The following TAB1 variants were observed in gnomAD, a reference collection of about 807,000 sequenced individuals.
The protein encoded by TAB1 is TGF-beta-activated kinase 1 and MAP3K7-binding protein 1.
Under a neutral mutation model 54.5 loss-of-function variants are expected in TAB1, and 30 were observed. The ratio of observed to expected loss-of-function variants is 0.55; its 90% confidence interval spans 0.41 to 0.75. TAB1 has a LOEUF of 0.75. TAB1 is among the 30% of genes least tolerant of loss of function. The pLI is 0.00. For missense variants in TAB1, 609 were observed against 683.2 expected, an observed-to-expected ratio of 0.89 and a Z score of 1.21; for synonymous variants, 289 against 286.9, an observed-to-expected ratio of 1.01 and a Z score of -0.07.
chr22:39,430,024 G>A lies in TAB1; in HGVS notation c.1317G>A (p.Pro439=), dbSNP rs763081696. The change falls in exon 11 of 11, where the codon CCG becomes CCA. Residue 439 remains proline, a synonymous_variant. Coordinates refer to ENST00000216160, the MANE Select transcript of TAB1 (RefSeq NM_006116.3). ...EATPTLTNQS[P]TLTLQSTNTH... ...CCCTGTTGTCCTGCAGCCAAAGCCCGACCTTAACCCTGCAGTCCACCAACA... is the reference window on the plus strand; with the variant it reads ...CCCTGTTGTCCTGCAGCCAAAGCCCAACCTTAACCCTGCAGTCCACCAACA... The A allele has an allele frequency of 3.4e-5, 55 of 1,613,110 alleles. No homozygotes were observed. In the Middle Eastern group the frequency reaches 1.1e-3, roughly 33 times the overall value.
chr22:39,430,575 C>G lies in TAB1; in HGVS notation c.*353C>G, dbSNP rs377081306. 2.0e-5 allele frequency: 23 copies of G among 1,166,748 alleles called. No individual in the cohort carries two copies. Among genetic ancestry groups the G allele is most frequent in the Admixed American group, 3.7e-5 (1 of 26,860 alleles). The allele number at this position is 1,166,748 out of a possible 1,614,324, so 72.3% of individuals were successfully genotyped here. A position where few individuals can be genotyped will look rare whatever the true frequency, so the allele number is the denominator to read the frequency against. ...GAGCAGGAAGAGGCGCCCTGTGAAC[C>G]CTGAGTGTTGCAGGCCCAGCAGACC... is the stretch of plus-strand genomic sequence containing the variant. On this transcript the variant is annotated 3_prime_UTR_variant, in exon 11 of 11. Transcript: ENST00000216160.
At position 39,423,827 on chromosome 22, in the gene TAB1, T is replaced by C. The variant is rs191316747; in HGVS notation, c.921+1856T>C. ...GTAACTAATGTATAGTGTTTTATAG[T>C]GTACATTGTAACTAATGTATAGTGT... On this transcript the variant is annotated intron_variant, in intron 8 of 10. Coordinates refer to ENST00000216160, the MANE Select transcript of TAB1 (RefSeq NM_006116.3). Among the ~76,000 whole-genome samples the C allele has an allele frequency of 2.5e-3, 377 of 150,958 alleles. 4 individuals carry two copies. Among genetic ancestry groups the C allele is most frequent in the East Asian group, 0.019 (94 of 4,870 alleles).
At chr22:39,429,802 T>A in intron 10 of TAB1, 2 of 985,224 alleles carry the variant, frequency 2.0e-6, no homozygotes, top group Non-Finnish European at 2.4e-6. Context: ...TACCTTTAGT[T>A]CATTTAAGTA....
chr22:39,428,091 G>A lies in TAB1; in HGVS notation c.1215G>A (p.Val405=). ...CCCAGAGCACCAGCAAGACCAGCGT[G>A]ACCCTCTCCCTTGTCATGCCCTCCC... The part of the protein sequence containing the change: ...SSAQSTSKTS[V]TLSLVMPSQG... The change falls in exon 10 of 11, where the codon GTG becomes GTA. Residue 405 remains valine (V), a synonymous_variant. Coordinates refer to ENST00000216160, the MANE Select transcript of TAB1 (RefSeq NM_006116.3). 1.2e-6 allele frequency: 2 copies of A among 1,613,888 alleles called. No individual in the cohort carries two copies. The highest frequency in any genetic ancestry group is 1.7e-6 in the Non-Finnish European group (2 of 1,179,788).
At chr22:39,435,593 C>T (rs1056394579), downstream of TAB1, among the ~76,000 whole-genome samples, 3 of 152,186 alleles carry the variant, frequency 2.0e-5, no homozygotes, top group Non-Finnish European at 2.9e-5. Flanking sequence ...AGTTCAGCTC[C>T]GTATCAGAAA....
At position 39,415,895 on chromosome 22, in the gene TAB1, G is replaced by A. The variant is rs1056148745; in HGVS notation, c.324+242G>A. ...ACTGCTGGAGACGGGGGGATTTAGG[G>A]ATGGGAGCTTGGAGAGAGGTGTGAG... On this transcript the variant is annotated intron_variant, in intron 3 of 10. Coordinates refer to ENST00000216160, the MANE Select transcript of TAB1 (RefSeq NM_006116.3). This position sits in a 1 kb window ranked among gnomAD's most constrained non-coding sequence, Gnocchi z 4.9. Among the ~76,000 whole-genome samples, 1 of 152,242 alleles carries A rather than the reference G, an allele frequency of 6.6e-6. No homozygotes were observed. Among genetic ancestry groups the A allele is most frequent in the Non-Finnish European group, 1.5e-5 (1 of 68,050 alleles).
chr22:39,410,726 C>A (rs1926572922), intron 1 of TAB1, among the ~76,000 whole-genome samples: 1 of 152,110 alleles, frequency 6.6e-6, no homozygotes, highest in East Asian at 1.9e-4. Context: ...TGTAGAGACA[C>A]ACCATGTTAA....
chr22:39,430,626 C>CTTTTTTAATGATACGGCGA lies in TAB1; in HGVS notation c.*404_*405insTTTTTTAATGATACGGCGA. On this transcript the variant is annotated 3_prime_UTR_variant, in exon 11 of 11. Transcript: ENST00000216160. ...CTGCTGTCCCAAGCCCACCCCTCCT[C>CTTTTTTAATGATACGGCGA]CCACCATCACCTCCCTCACCTCGGG... 4 of 1,093,496 alleles carry CTTTTTTAATGATACGGCGA rather than the reference C, an allele frequency of 3.7e-6. No homozygotes were observed. Among genetic ancestry groups the CTTTTTTAATGATACGGCGA allele is most frequent in the Admixed American group, 4.3e-5 (1 of 23,482 alleles). The allele number at this position is 1,093,496 out of a possible 1,614,324, so 67.7% of individuals were successfully genotyped here. A position where few individuals can be genotyped will look rare whatever the true frequency, so the allele number is the denominator to read the frequency against.
In TAB1 at chr22:39,399,798, C is replaced by T. The variant is rs1397604858; in HGVS notation, c.-5C>T. 3.8e-6 allele frequency: 6 copies of T among 1,592,536 alleles called. No individual in the cohort carries two copies. The highest frequency in any genetic ancestry group is 5.1e-6 in the Non-Finnish European group (6 of 1,170,096). ...GGCGGGCGCTCCCGCAGGGGTTCCT[C>T]CAAGATGGCGGCGCAGAGGAGGAGC... On this transcript the variant is annotated 5_prime_UTR_variant, in exon 1 of 11. Transcript: ENST00000216160.
intron 7 of TAB1, among the ~76,000 whole-genome samples, chr22:39,420,681 C>T (rs1927030645): frequency 6.6e-6 from 1 of 152,164 alleles, no homozygotes; most frequent in East Asian, 1.9e-4. Flanking sequence ...TCCTACACCA[C>T]ACTCTAGGAC....
chr22:39,430,806 C>T lies in TAB1; in HGVS notation c.*584C>T, dbSNP rs1927558226. On this transcript the variant is annotated 3_prime_UTR_variant, in exon 11 of 11. Transcript: ENST00000216160. The stretch of plus-strand genomic sequence containing the variant: ...ACGTTCAGGAGGACCAGGGCAGCAT[C>T]TGGGGCCTGGGATGGCCACAGAAGG... The T allele has an allele frequency of 7.1e-6, 7 of 992,754 alleles. No homozygotes were observed. The South Asian group carries it at 2.7e-4, about 39-fold the overall frequency. The allele number at this position is 992,754 out of a possible 1,614,324, so 61.5% of individuals were successfully genotyped here.
intron 8 of TAB1, among the ~76,000 whole-genome samples, chr22:39,425,512 AAGTGATGATGTT>A (rs1927282307): frequency 6.6e-6 from 1 of 152,104 alleles, no homozygotes; most frequent in Admixed American, 6.5e-5. Flanking sequence ...AGGCTAGGCT[AAGTGATGATGTT>A]CAGTAGATTA....
At chr22:39,432,047 C>G (rs905183417), downstream of TAB1, among the ~76,000 whole-genome samples, 1 of 152,144 alleles carries the variant, frequency 6.6e-6, no homozygotes, top group South Asian at 2.1e-4. Context: ...CTGCCGCCCC[C>G]ACAGCCCCGG....
At chr22:39,433,787 A>G (rs1415759335), downstream of TAB1, 1 of 985,202 alleles carries the variant, frequency 1.0e-6, no homozygotes, top group African/African-American at 1.7e-5. Context: ...AGGGAAAAGC[A>G]CCCGATTGTG....
rs1274677853 is a variant in TAB1 at position 39,431,312 on chromosome 22, C to T, written c.*1090C>T. The T allele has an allele frequency of 1.0e-6, 1 of 985,588 alleles. No homozygotes were observed. 61.1% of individuals were successfully genotyped at this position (985,588 alleles called of 1,614,324 possible). A position where few individuals can be genotyped will look rare whatever the true frequency, so the allele number is the denominator to read the frequency against. ...GGGGAGGGGGTGCCACCAGGGCTGTCGGCCAGGATTGCCACTCCTGTTTCA... is the reference window on the plus strand; with the variant it reads ...GGGGAGGGGGTGCCACCAGGGCTGTTGGCCAGGATTGCCACTCCTGTTTCA... On this transcript the variant is annotated 3_prime_UTR_variant, in exon 11 of 11. Transcript: ENST00000216160.
chr22:39,428,269 C>A, intron 10 of TAB1, 86 bp downstream of exon 10: 1 of 919,642 alleles, frequency 1.1e-6, no homozygotes, highest in Non-Finnish European at 1.6e-6. Context: ...GCCATGGGGC[C>A]AAGGCTTGTG....
intron 1 of TAB1, among the ~76,000 whole-genome samples, chr22:39,411,948 A>G (rs1795648102): frequency 2.0e-5 from 3 of 152,238 alleles, no homozygotes; most frequent in African/African-American, 4.8e-5. Context: ...TGAGTCTTAG[A>G]GACATAATGT....
chr22:39,433,749 G>A (rs1927676154), downstream of TAB1: 1 of 985,342 alleles, frequency 1.0e-6, no homozygotes, highest in Admixed American at 6.1e-5. Flanking sequence ...GGCCTGTCTG[G>A]AGCGACTCCA....
intron 1 of TAB1, among the ~76,000 whole-genome samples, chr22:39,412,770 TAAC>T (rs1926660053): frequency 6.6e-6 from 1 of 152,114 alleles, no homozygotes. Context: ...CTGGAAGACT[TAAC>T]AATAACTTTT....
Sources: allele counts gnomAD v4.1 joint callset (sites outside exome capture counted in the v4.1 genomes callset), GRCh38; gene constraint gnomAD v4.1.1; non-coding constraint Gnocchi (gnomAD v3.1); transcripts MANE v1.5; gene names NCBI Gene and HGNC (gene_info 2026-07-23, HGNC 2026-07-21).